The following SPMIP2 variants were observed in gnomAD, a reference collection of about 807,000 sequenced individuals.
The protein encoded by SPMIP2 is sperm microtubule inner protein 2, also known as protein SPMIP2.
chr4:158,909,437 A>G, the SPMIP2 span: 1 of 151,926 alleles, frequency 6.6e-6, no homozygotes, highest in Non-Finnish European at 1.5e-5. Flanking sequence ...CTTTAAAATC[A>G]TGCCATTGAT....
At chr4:158,995,887 A>G in the SPMIP2 span, among the ~76,000 whole-genome samples, 1 of 147,514 alleles carries the variant, frequency 6.8e-6, no homozygotes, top group Admixed American at 6.8e-5. Flanking sequence ...AAGAGAAAAC[A>G]TTTTCTGTTC....
At chr4:159,022,846 A>T in the SPMIP2 span, among the ~76,000 whole-genome samples, 1 of 152,024 alleles carries the variant, frequency 6.6e-6, no homozygotes, top group Non-Finnish European at 1.5e-5. Flanking sequence ...CCTGGCCAAC[A>T]TGTTGAAACC....
At chr4:159,030,700 T>C in the SPMIP2 span, among the ~76,000 whole-genome samples, 1 of 152,104 alleles carries the variant, frequency 6.6e-6, no homozygotes, top group Admixed American at 6.6e-5. Context: ...CTTCACCATG[T>C]TGGTCAGGCT....
At chr4:159,045,576 G>A in the SPMIP2 span, among the ~76,000 whole-genome samples, 1 of 152,216 alleles carries the variant, frequency 6.6e-6, no homozygotes, top group Admixed American at 6.5e-5. Flanking sequence ...AGGAATGTGG[G>A]GGTGGGAATA....
chr4:159,047,948 T>C, the SPMIP2 span, among the ~76,000 whole-genome samples: 1 of 152,328 alleles, frequency 6.6e-6, no homozygotes, highest in Non-Finnish European at 1.5e-5. Context: ...TGGCATGTAA[T>C]AGAGAAAGCA....
At chr4:158,904,116 A>G in the SPMIP2 span, among the ~76,000 whole-genome samples, 2 of 152,234 alleles carry the variant, frequency 1.3e-5, no homozygotes, top group Non-Finnish European at 2.9e-5. Flanking sequence ...GAATGAGTTT[A>G]TAATGGAGAA....
the SPMIP2 span, among the ~76,000 whole-genome samples, chr4:159,081,131 G>A: frequency 8.7e-5 from 13 of 150,158 alleles, no homozygotes; most frequent in Admixed American, 2.0e-4. Context: ...TCCACCTCCC[G>A]GGTTCAAGTG....
the SPMIP2 span, among the ~76,000 whole-genome samples, chr4:158,980,373 C>T: frequency 6.6e-6 from 1 of 152,168 alleles, no homozygotes; most frequent in East Asian, 1.9e-4. Context: ...AAACTGCCTC[C>T]TCAACTGGGT....
chr4:158,968,659 C>A, the SPMIP2 span, among the ~76,000 whole-genome samples: 1 of 152,210 alleles, frequency 6.6e-6, no homozygotes, highest in African/African-American at 2.4e-5. Context: ...AGGCAAGGAA[C>A]CTCACCTGTT....
chr4:159,058,472 C>T, the SPMIP2 span, among the ~76,000 whole-genome samples: 1 of 152,078 alleles, frequency 6.6e-6, no homozygotes, highest in Admixed American at 6.5e-5. Context: ...AGATATGGGA[C>T]TTCTTTTCTT....
the SPMIP2 span, among the ~76,000 whole-genome samples, chr4:159,056,749 G>C: frequency 6.6e-6 from 1 of 152,156 alleles, no homozygotes; most frequent in South Asian, 2.1e-4. Flanking sequence ...AATAGAATGA[G>C]CAGAGGTACA....
chr4:158,948,257 C>T, the SPMIP2 span, among the ~76,000 whole-genome samples: 1 of 152,098 alleles, frequency 6.6e-6, no homozygotes, highest in African/African-American at 2.4e-5. Context: ...TTTGTTTTAC[C>T]TGCTTGTCCT....
chr4:158,893,539 TCCAAAC>T, the SPMIP2 span: 1 of 580,508 alleles, frequency 1.7e-6, no homozygotes. Flanking sequence ...ACACCTTTTT[TCCAAAC>T]TGTTTATTTG....
At chr4:159,036,114 A>T in the SPMIP2 span, among the ~76,000 whole-genome samples, 1 of 152,250 alleles carries the variant, frequency 6.6e-6, no homozygotes, top group Admixed American at 6.5e-5. Context: ...TCCATTGAAG[A>T]TAAATTCTAA....
chr4:159,033,462 A>T, the SPMIP2 span, among the ~76,000 whole-genome samples: 1 of 152,218 alleles, frequency 6.6e-6, no homozygotes, highest in East Asian at 1.9e-4. Flanking sequence ...ATTAAAAAAA[A>T]TTATTTACGA....
At chr4:158,966,778 A>G in the SPMIP2 span, among the ~76,000 whole-genome samples, 1 of 152,200 alleles carries the variant, frequency 6.6e-6, no homozygotes, top group Non-Finnish European at 1.5e-5. Flanking sequence ...CAAGCTTTAC[A>G]TTACTTTGGG....
At chr4:158,945,226 C>G in the SPMIP2 span, among the ~76,000 whole-genome samples, 1 of 152,182 alleles carries the variant, frequency 6.6e-6, no homozygotes, top group Non-Finnish European at 1.5e-5. Context: ...CCTAACTTCA[C>G]TTTTCAGATT....
chr4:158,912,569 C>T, the SPMIP2 span, among the ~76,000 whole-genome samples: 4 of 152,210 alleles, frequency 2.6e-5, no homozygotes, highest in Admixed American at 2.0e-4. Flanking sequence ...TAGCCACTCA[C>T]TGGGGGCTAT....
the SPMIP2 span, among the ~76,000 whole-genome samples, chr4:158,926,955 G>C: frequency 1.3e-5 from 2 of 152,076 alleles, no homozygotes; most frequent in Non-Finnish European, 2.9e-5. Flanking sequence ...CAATTACACA[G>C]TATACCCATA....
Sources: allele counts gnomAD v4.1 joint callset (sites outside exome capture counted in the v4.1 genomes callset), GRCh38; gene constraint gnomAD v4.1.1; transcripts MANE v1.5; gene names NCBI Gene and HGNC (gene_info 2026-07-23, HGNC 2026-07-21).